RBFOX1: variants seen among roughly 807,000 people sequenced by gnomAD.
RBFOX1 encodes the protein RNA binding protein fox-1 homolog 1.
In RBFOX1, 8 loss-of-function variants were observed where a neutral mutation model predicts 57.7. That is an observed-to-expected ratio of 0.14 (90% CI 0.08 to 0.25). The LOEUF (loss-of-function observed/expected upper bound fraction) is 0.25, where lower values mean the gene tolerates loss of function less well. Among genes scored for constraint, RBFOX1 ranks in the 10% least tolerant of loss-of-function variants. The pLI is 1.00. For synonymous variants in RBFOX1, 326 were observed against 222.4 expected (o/e 1.47, Z -4.15); for missense variants, 611 against 548.5 (o/e 1.11, Z -1.14).
intron 4 of RBFOX1, among the ~76,000 whole-genome samples, chr16:7,059,359 A>G (rs767109877): frequency 6.6e-6 from 1 of 152,204 alleles, no homozygotes; most frequent in Non-Finnish European, 1.5e-5. Context: ...GGTTCGTTGT[A>G]GAAATGCCTG....
At chr16:6,401,973 T>C (rs142071796) in intron 2 of RBFOX1, among the ~76,000 whole-genome samples, 3 of 152,084 alleles carry the variant, frequency 2.0e-5, no homozygotes, top group African/African-American at 4.8e-5. Flanking sequence ...CTGATCATCA[T>C]GGCTGAGCCA....
At chr16:7,690,551 T>G (rs372797948) in intron 14 of RBFOX1, among the ~76,000 whole-genome samples, 1 of 152,142 alleles carries the variant, frequency 6.6e-6, no homozygotes, top group Admixed American at 6.6e-5. Context: ...TTCACGGGTC[T>G]GTGTTGAGAG....
At chr16:6,819,038 C>T (rs991198902) in intron 3 of RBFOX1, among the ~76,000 whole-genome samples, 32 of 152,248 alleles carry the variant, frequency 2.1e-4, no homozygotes, top group African/African-American at 6.7e-4. Context: ...GATGGACTAT[C>T]AACGGCATTG....
At chr16:6,059,934 A>G (rs1367572135) in intron 1 of RBFOX1, among the ~76,000 whole-genome samples, 4 of 152,132 alleles carry the variant, frequency 2.6e-5, no homozygotes, top group Non-Finnish European at 4.4e-5. Flanking sequence ...AATTATAACA[A>G]CATCCCCCTA....
At chr16:6,351,801 T>G (rs2086451875) in intron 2 of RBFOX1, among the ~76,000 whole-genome samples, 1 of 152,180 alleles carries the variant, frequency 6.6e-6, no homozygotes, top group Non-Finnish European at 1.5e-5. Flanking sequence ...GAAGGCAAAA[T>G]AAGGATATTA....
intron 3 of RBFOX1, among the ~76,000 whole-genome samples, chr16:5,769,841 A>G (rs67852439): frequency 0.11 from 16,691 of 152,148 alleles, 995 homozygotes; most frequent in Middle Eastern, 0.13. Context: ...AAGATAGTAA[A>G]TTTCTGTTGT....
chr16:5,553,130 C>T (rs532257657), intron 2 of RBFOX1, among the ~76,000 whole-genome samples: 8 of 152,058 alleles, frequency 5.3e-5, no homozygotes, highest in African/African-American at 9.7e-5. Flanking sequence ...CCGGGCCTGT[C>T]GAGGGGTGAC....
chr16:5,888,595 A>G (rs2057958216), intron 4 of RBFOX1, among the ~76,000 whole-genome samples: 1 of 152,094 alleles, frequency 6.6e-6, no homozygotes, highest in Non-Finnish European at 1.5e-5. Context: ...CAGGAGTTCA[A>G]GACCAGCCTG....
intron 4 of RBFOX1, among the ~76,000 whole-genome samples, chr16:7,096,931 C>CA (rs59519427): frequency 0.56 from 38,415 of 68,864 alleles, 12,269 homozygotes; most frequent in South Asian, 0.72. Flanking sequence ...GACTCCATCT[C>CA]AAAAAAAAAA....
chr16:6,812,676 C>A (rs535685331), intron 3 of RBFOX1, among the ~76,000 whole-genome samples: 1 of 152,166 alleles, frequency 6.6e-6, no homozygotes, highest in African/African-American at 2.4e-5. Context: ...CACGCCTGGC[C>A]TTGGTTCAGT....
chr16:6,960,809 G>A (rs2082807611), intron 3 of RBFOX1, among the ~76,000 whole-genome samples: 1 of 151,810 alleles, frequency 6.6e-6, no homozygotes, highest in Admixed American at 6.6e-5. Context: ...GCCCAGGGTT[G>A]GGTACCTGAC....
chr16:6,664,482 G>T (rs2098719842), intron 3 of RBFOX1, among the ~76,000 whole-genome samples: 1 of 152,196 alleles, frequency 6.6e-6, no homozygotes, highest in African/African-American at 2.4e-5. Context: ...TGCTCAGTAA[G>T]AACTTGTGGA....
At chr16:5,917,585 G>A (rs1318441541) in intron 4 of RBFOX1, among the ~76,000 whole-genome samples, 1 of 152,164 alleles carries the variant, frequency 6.6e-6, no homozygotes, top group Middle Eastern at 3.2e-3. Flanking sequence ...CTCAAACTCT[G>A]GACTGCACTG....
intron 4 of RBFOX1, among the ~76,000 whole-genome samples, chr16:7,278,071 G>A (rs562437513): frequency 2.0e-5 from 3 of 152,218 alleles, no homozygotes; most frequent in Non-Finnish European, 4.4e-5. Context: ...AGTTGATTCC[G>A]TAGGCGGCTA....
At chr16:6,608,508 C>T (rs915678463) in intron 2 of RBFOX1, among the ~76,000 whole-genome samples, 3 of 152,132 alleles carry the variant, frequency 2.0e-5, no homozygotes, top group Admixed American at 6.5e-5. Flanking sequence ...ACAGAAATTG[C>T]CCAGGTATGG....
chr16:5,845,500 G>C (rs1303010964), intron 3 of RBFOX1, among the ~76,000 whole-genome samples: 1 of 152,174 alleles, frequency 6.6e-6, no homozygotes, highest in Non-Finnish European at 1.5e-5. Context: ...CTGGAGATGT[G>C]AGCAGGAAAT....
chr16:5,968,951 A>C (rs2059906048), intron 4 of RBFOX1, among the ~76,000 whole-genome samples: 1 of 152,008 alleles, frequency 6.6e-6, no homozygotes, highest in Admixed American at 6.6e-5. Flanking sequence ...TGAGAGGACT[A>C]TTTATATTTT....
intron 4 of RBFOX1, among the ~76,000 whole-genome samples, chr16:7,416,321 C>G (rs1640822881): frequency 6.6e-6 from 1 of 152,202 alleles, no homozygotes; most frequent in Admixed American, 6.5e-5. Flanking sequence ...ACGGACAAGT[C>G]AAAGCTTTCT....
intron 4 of RBFOX1, among the ~76,000 whole-genome samples, chr16:7,191,542 C>T (rs1463667758): frequency 6.6e-6 from 1 of 152,112 alleles, no homozygotes; most frequent in African/African-American, 2.4e-5. Flanking sequence ...ACATTTATAA[C>T]CATGGAAGCT....
Sources: allele counts gnomAD v4.1 joint callset (sites outside exome capture counted in the v4.1 genomes callset), GRCh38; gene constraint gnomAD v4.1.1; transcripts MANE v1.5; gene names NCBI Gene and HGNC (gene_info 2026-07-23, HGNC 2026-07-21).